Variants in CLIP1 observed in about 807,000 individuals in gnomAD.
The protein encoded by CLIP1 is CAP-Gly domain-containing linker protein 1.
In CLIP1, 66 loss-of-function variants were observed where a neutral mutation model predicts 161.6. That is an observed-to-expected ratio of 0.41 (90% CI 0.33 to 0.50). The LOEUF is 0.50. CLIP1 is among the 20% of genes least tolerant of loss of function. The probability of loss-of-function intolerance (pLI) is 0.27; values close to 1 mark genes in which losing one functional copy is unlikely to be tolerated. For missense variants in CLIP1, 1,376 were observed against 1,702.0 expected (o/e 0.81, Z 3.37); for synonymous variants, 598 against 626.2 (o/e 0.96, Z 0.67).
In CLIP1 at chr12:122,377,651, T is replaced by A; in HGVS notation, c.395A>T (p.Asp132Val). The change falls in exon 3 of 26, where the codon GAT becomes GTT. Residue 132 changes from aspartate (D) to valine (V), a missense_variant. By Grantham distance (152) the Asp-to-Val change is radical (BLOSUM62 -3). This residue lies in a region of CLIP1 where 119 missense variants were observed against 112.0 expected (regional missense o/e 1.06). Transcript: ENST00000620786. ...CGTTGTCTGCAGGCCATTAGCTTCA[T>A]CTTCTGCTTGCACCTTCCTTGTTAA... is the stretch of plus-strand genomic sequence containing the variant. Reference protein sequence around the residue: ...SKLTRKVQAEDEANGLQTTPA... With the variant: ...SKLTRKVQAEVEANGLQTTPA... The A allele has an allele frequency of 6.2e-7, 1 of 1,613,736 alleles. No individual in the cohort carries two copies. Among genetic ancestry groups the A allele is most frequent in the Non-Finnish European group, 8.5e-7 (1 of 1,179,976 alleles).
intron 18 of CLIP1, among the ~76,000 whole-genome samples, chr12:122,317,588 C>T (rs1225984186): frequency 2.0e-5 from 3 of 152,138 alleles, no homozygotes; most frequent in East Asian, 3.8e-4. Context: ...AGAGCCACCA[C>T]CAAGGATGGT....
Position 122,323,860 on chromosome 12 carries a change from G to A in CLIP1, c.3249+4087C>T, listed in dbSNP as rs1042055237. 6.6e-6 allele frequency: 1 copy of A among 152,616 alleles called. No individual in the cohort carries two copies. The highest frequency in any genetic ancestry group is 2.4e-5 in the African/African-American group (1 of 41,456). The allele number at this position is 152,616 out of a possible 1,614,324, so 9.5% of individuals were successfully genotyped here. A position where few individuals can be genotyped will look rare whatever the true frequency, so the allele number is the denominator to read the frequency against. On this transcript the variant is annotated intron_variant, in intron 17 of 25. Coordinates refer to ENST00000620786, the MANE Select transcript of CLIP1 (RefSeq NM_001247997.2). The surrounding 1 kb of genome is among the most constrained non-coding windows in gnomAD (Gnocchi z 4.1). The stretch of plus-strand genomic sequence containing the variant: ...CATCCTTATCTTTGGCCAAGATGAA[G>A]TTTTCGGTAATAAGTTTCTTGATCT...
intron 3 of CLIP1, among the ~76,000 whole-genome samples, chr12:122,370,939 C>T (rs1954416115): frequency 7.7e-6 from 1 of 129,762 alleles, no homozygotes; most frequent in Non-Finnish European, 1.6e-5. Context: ...GCCTGGGCAA[C>T]AGAGCAGGAC....
chr12:122,405,012 T>C (rs555459909), intron 1 of CLIP1, among the ~76,000 whole-genome samples: 1 of 152,158 alleles, frequency 6.6e-6, no homozygotes, highest in Non-Finnish European at 1.5e-5. Flanking sequence ...TCTATAGGAC[T>C]GACTTAAACC....
chr12:122,353,074 C>T (rs540087350), intron 7 of CLIP1, among the ~76,000 whole-genome samples: 17 of 151,808 alleles, frequency 1.1e-4, no homozygotes, highest in Non-Finnish European at 2.4e-4. Flanking sequence ...AGAGACATAG[C>T]AAGTTTAAAA....
rs879359730 is a variant in CLIP1, at chr12:122,372,589, TA to T, written c.657+4799del. Among the ~76,000 whole-genome samples the T allele has an allele frequency of 9.3e-4, 127 of 136,828 alleles. 1 individual carries two copies. Among genetic ancestry groups the T allele is most frequent in the Admixed American group, 8.8e-4 (12 of 13,654 alleles). The allele number at this position is 136,828 out of a possible 152,430, so 89.8% of individuals were successfully genotyped here. On this transcript the variant is annotated intron_variant, in intron 3 of 25. Transcript: ENST00000620786. ...CAAAAGAGCGAGATTCCATCTTGAT[TA>T]AAAAAAAAAAAACAAAACTAAAATC...
chr12:122,300,820 CCT>C lies in CLIP1; in HGVS notation c.3594+8940_3594+8941del, dbSNP rs1950651941. Among the ~76,000 whole-genome samples, 2 of 152,046 alleles carry C rather than the reference CCT, an allele frequency of 1.3e-5. 1 individual carries two copies. Among genetic ancestry groups the C allele is most frequent in the Admixed American group, 1.3e-4 (2 of 15,262 alleles). ...CTCTATATTTTTTTCTACTTTTTTT[CCT>C]TTTTCTTTTTACCTTGCAAATGTTT... is the stretch of plus-strand genomic sequence containing the variant. On this transcript the variant is annotated intron_variant, in intron 20 of 25. Coordinates refer to ENST00000620786, the MANE Select transcript of CLIP1 (RefSeq NM_001247997.2).
At chr12:122,322,658 T>G (rs900846961) in intron 17 of CLIP1, 3 of 152,698 alleles carry the variant, frequency 2.0e-5, no homozygotes, top group African/African-American at 7.2e-5. Flanking sequence ...CACCTCCTGC[T>G]CCAGGAGCAC....
chr12:122,415,588 G>A (rs1390083350), intron 1 of CLIP1, among the ~76,000 whole-genome samples: 1 of 152,106 alleles, frequency 6.6e-6, no homozygotes, highest in Admixed American at 6.6e-5. Flanking sequence ...GGAGGCCAAG[G>A]CGGGTGGATC....
chr12:122,290,858 C>A (rs946880451), intron 20 of CLIP1, among the ~76,000 whole-genome samples: 6 of 148,768 alleles, frequency 4.0e-5, no homozygotes, highest in Non-Finnish European at 6.0e-5. Flanking sequence ...TTTCTTTTTT[C>A]TTTTTTTTAT....
In CLIP1 at chr12:122,328,565, ATTTTGTTTTG is replaced by A. The variant is rs66694613; in HGVS notation, c.2868-149_2868-140del. 255 of 320,472 alleles carry A rather than the reference ATTTTGTTTTG, an allele frequency of 8.0e-4. 1 individual carries two copies. The highest frequency in any genetic ancestry group is 4.3e-3 in the Middle Eastern group (4 of 928). The allele number at this position is 320,472 out of a possible 1,614,324, so 19.9% of individuals were successfully genotyped here. A position where few individuals can be genotyped will look rare whatever the true frequency, so the allele number is the denominator to read the frequency against. Reference sequence around the variant, plus strand: ...TAATAACATCAGAACTAGGCAAGAAATTTTGTTTTGTTTTGTTTTGTTTTGTTTTGTTTTG... The same window carrying A: ...TAATAACATCAGAACTAGGCAAGAAATTTTGTTTTGTTTTGTTTTGTTTTG... On this transcript the variant is annotated intron_variant, in intron 15 of 25. Coordinates refer to ENST00000620786, the MANE Select transcript of CLIP1 (RefSeq NM_001247997.2).
intron 3 of CLIP1, chr12:122,364,952 G>C (rs1177095278): frequency 6.4e-6 from 3 of 465,564 alleles, no homozygotes; most frequent in Non-Finnish European, 1.2e-5. Flanking sequence ...GGATGAAATT[G>C]GGAATCATCA....
At chr12:122,405,642 G>A (rs1593259811) in intron 1 of CLIP1, among the ~76,000 whole-genome samples, 1 of 151,666 alleles carries the variant, frequency 6.6e-6, no homozygotes, top group East Asian at 1.9e-4. Flanking sequence ...ACAAAAATTA[G>A]CCAGGTGTGG....
chr12:122,356,103 T>C (rs1362053045), intron 5 of CLIP1: 1 of 152,220 alleles, frequency 6.6e-6, no homozygotes, highest in African/African-American at 2.4e-5. Flanking sequence ...GTTCTTGAAA[T>C]TACTTAAACA....
At position 122,355,510 on chromosome 12, in the gene CLIP1, A is replaced by C; in HGVS notation, c.1006-198T>G. Reference sequence around the variant, plus strand: ...TGTCTATAAATCTCACAAAGAATACATCAACGTAAAGAGATCAGCCAGGTG... The same window carrying C: ...TGTCTATAAATCTCACAAAGAATACCTCAACGTAAAGAGATCAGCCAGGTG... On this transcript the variant is annotated intron_variant, in intron 5 of 25. Coordinates refer to ENST00000620786, the MANE Select transcript of CLIP1 (RefSeq NM_001247997.2). The surrounding 1 kb of genome is among the most constrained non-coding windows in gnomAD (Gnocchi z 4.1). 3.5e-6 allele frequency: 2 copies of C among 570,110 alleles called. No homozygotes were observed. Among genetic ancestry groups the C allele is most frequent in the Non-Finnish European group, 3.1e-6 (1 of 317,666 alleles). The allele number at this position is 570,110 out of a possible 1,614,324, so 35.3% of individuals were successfully genotyped here.
chr12:122,315,711 G>GAT, intron 19 of CLIP1, among the ~76,000 whole-genome samples: 1 of 151,288 alleles, frequency 6.6e-6, no homozygotes, highest in South Asian at 2.1e-4. Context: ...CTCGATCTCG[G>GAT]CTCACTGCAA....
At position 122,274,019 on chromosome 12, in the gene CLIP1, A is replaced by G. The variant is rs534350070; in HGVS notation, c.4091+19T>C. 9.3e-5 allele frequency: 150 copies of G among 1,611,702 alleles called. No homozygotes were observed. Among genetic ancestry groups the G allele is most frequent in the South Asian group, 1.2e-4 (11 of 91,020 alleles). ...AAGTGCTGGGATTATAGCAATCAGT[A>G]TGTCTTCATATGAAATACCTGTCAT... On this transcript the variant is annotated intron_variant, in intron 25 of 25. Transcript: ENST00000620786.
At chr12:122,370,309 A>G (rs1954383197) in intron 3 of CLIP1, among the ~76,000 whole-genome samples, 1 of 152,132 alleles carries the variant, frequency 6.6e-6, no homozygotes, top group African/African-American at 2.4e-5. Context: ...AAGTCCAAGG[A>G]AGGAGTTTCG....
At chr12:122,386,119 C>A (rs113671298) in intron 1 of CLIP1, among the ~76,000 whole-genome samples, 1 of 151,930 alleles carries the variant, frequency 6.6e-6, no homozygotes. Context: ...AACCCCATCT[C>A]TACTAAAAAT....
Sources: allele counts gnomAD v4.1 joint callset (sites outside exome capture counted in the v4.1 genomes callset), GRCh38; gene constraint gnomAD v4.1.1; regional missense constraint gnomAD v4.1.1; non-coding constraint Gnocchi (gnomAD v3.1); transcripts MANE v1.5; gene names NCBI Gene and HGNC (gene_info 2026-07-23, HGNC 2026-07-21).